MGMT: variants seen among roughly 807,000 people sequenced by gnomAD.
MGMT encodes methylated-DNA--protein-cysteine methyltransferase.
Under a neutral mutation model 15.9 loss-of-function variants are expected in MGMT, and 14 were observed. The observed-to-expected ratio is 0.88, with a 90% CI of 0.58 to 1.37. MGMT has a LOEUF of 1.37. MGMT is among the 40% of genes most tolerant of loss of function. The pLI is 0.00. For synonymous variants in MGMT, 130 were observed against 118.2 expected (o/e 1.10, Z -0.65); for missense variants, 282 against 268.1 (o/e 1.05, Z -0.36).
intron 1 of MGMT, among the ~76,000 whole-genome samples, chr10:129,483,336 A>G (rs887901319): frequency 2.0e-5 from 3 of 152,140 alleles, no homozygotes; most frequent in African/African-American, 4.8e-5. Context: ...ATTTATTTGC[A>G]TATTTACTGT....
rs1405602144 is a variant in MGMT at position 129,566,243 on chromosome 10, G to A, written c.125+29866G>A. On this transcript the variant is annotated intron_variant, in intron 2 of 4. Coordinates refer to ENST00000651593, the MANE Select transcript of MGMT (RefSeq NM_002412.5). This position sits in a 1 kb window ranked among gnomAD's most constrained non-coding sequence, Gnocchi z 4.1. ...CTTCTTGGCTGTCTAGGTGCCAGGG[G>A]CTCGGGACACAGAGCTCCTGGAGGC... is the stretch of plus-strand genomic sequence containing the variant. 2.0e-5 allele frequency among the ~76,000 whole-genome samples: 3 copies of A among 152,184 alleles called. No homozygotes were observed. The highest frequency in any genetic ancestry group is 7.2e-5 in the African/African-American group (3 of 41,432).
At chr10:129,718,293 C>T (rs147222014) in intron 3 of MGMT, among the ~76,000 whole-genome samples, 3 of 152,306 alleles carry the variant, frequency 2.0e-5, no homozygotes, top group Non-Finnish European at 2.9e-5. Flanking sequence ...AGTGGCGCTT[C>T]GGGCTAGGTG....
At chr10:129,633,804 T>A (rs934994490) in intron 2 of MGMT, among the ~76,000 whole-genome samples, 1 of 152,222 alleles carries the variant, frequency 6.6e-6, no homozygotes, top group Admixed American at 6.5e-5. Flanking sequence ...TTTTGTTTAA[T>A]ACAAGGTTCT....
chr10:129,676,252 C>T (rs1448361834), intron 2 of MGMT, among the ~76,000 whole-genome samples: 1 of 151,056 alleles, frequency 6.6e-6, no homozygotes, highest in Non-Finnish European at 1.5e-5. Context: ...CCTGTGGCCG[C>T]CCCCCGACCT....
rs564733699 is a variant in MGMT, at chr10:129,590,204, C to A, written c.125+53827C>A. On this transcript the variant is annotated intron_variant, in intron 2 of 4. Transcript: ENST00000651593. Reference sequence around the variant, plus strand: ...TAAAGGTTTCAGATCTGTCTGTGGTCTTTTGTTTTACTTGGAAACACATGT... The same window carrying A: ...TAAAGGTTTCAGATCTGTCTGTGGTATTTTGTTTTACTTGGAAACACATGT... Among the ~76,000 whole-genome samples the A allele has an allele frequency of 2.0e-5, 3 of 152,256 alleles. No homozygotes were observed. The South Asian group carries it at 6.2e-4, about 32-fold the overall frequency.
intron 2 of MGMT, among the ~76,000 whole-genome samples, chr10:129,560,954 AGTGTGTGTGTGTGTGTGTGTGT>A (rs57984603): frequency 4.5e-5 from 6 of 133,220 alleles, no homozygotes; most frequent in Non-Finnish European, 9.7e-5. Context: ...AGTAAAGAGC[AGTGTGTGTGTGTGTGTGTGTGT>A]GTGTGTGTGT....
intron 1 of MGMT, among the ~76,000 whole-genome samples, chr10:129,497,825 C>T (rs1013635772): frequency 6.6e-6 from 1 of 152,198 alleles, no homozygotes; most frequent in African/African-American, 2.4e-5. Flanking sequence ...TCCTCTTCCA[C>T]CACGTGAGGA....
At chr10:129,516,314 A>C (rs956653622) in intron 1 of MGMT, among the ~76,000 whole-genome samples, 1 of 152,188 alleles carries the variant, frequency 6.6e-6, no homozygotes, top group African/African-American at 2.4e-5. Flanking sequence ...ATCACCAAAT[A>C]GGGAATTCTT....
At chr10:129,488,238 A>G (rs1426885871) in intron 1 of MGMT, among the ~76,000 whole-genome samples, 1 of 152,060 alleles carries the variant, frequency 6.6e-6, no homozygotes, top group African/African-American at 2.4e-5. Context: ...TCCTCACCAA[A>G]ACTTGGAGTT....
intron 2 of MGMT, among the ~76,000 whole-genome samples, chr10:129,558,369 G>T (rs1303562051): frequency 2.0e-5 from 3 of 152,196 alleles, no homozygotes; most frequent in African/African-American, 7.2e-5. Flanking sequence ...AGGAAGATTT[G>T]TGGGTGTTTT....
intron 2 of MGMT, among the ~76,000 whole-genome samples, chr10:129,646,755 T>TATATATATATATA (rs375027874): frequency 1.8e-4 from 14 of 78,474 alleles, no homozygotes; most frequent in African/African-American, 3.1e-4. Flanking sequence ...TATATATATA[T>TATATATATATATA]TTTCAGGGAA....
intron 2 of MGMT, chr10:129,564,214 C>CCA (rs1846315517): frequency 1.4e-5 from 1 of 71,230 alleles, no homozygotes; most frequent in African/African-American, 5.5e-5. Context: ...CTCCTCTCCC[C>CCA]CTCCTTCCCC....
rs536073390 is a variant in MGMT at position 129,758,452 on chromosome 10, C to G, written c.275-750C>G. ...GATTCAGACAGGCCTTCTTCGCGTGCCCCAGTTTCTCTCCCACCGACACCA... is the reference window on the plus strand; with the variant it reads ...GATTCAGACAGGCCTTCTTCGCGTGGCCCAGTTTCTCTCCCACCGACACCA... On this transcript the variant is annotated intron_variant, in intron 3 of 4. Coordinates refer to ENST00000651593, the MANE Select transcript of MGMT (RefSeq NM_002412.5). Among the ~76,000 whole-genome samples, 4 of 152,098 alleles carry G rather than the reference C, an allele frequency of 2.6e-5. No individual in the cohort carries two copies. In the East Asian group the frequency reaches 7.8e-4, roughly 29 times the overall value.
At chr10:129,650,233 A>G (rs1401910039) in intron 2 of MGMT, among the ~76,000 whole-genome samples, 1 of 152,146 alleles carries the variant, frequency 6.6e-6, no homozygotes, top group Non-Finnish European at 1.5e-5. Flanking sequence ...GGGCTTGAGC[A>G]GCCTTGAGGT....
intron 3 of MGMT, among the ~76,000 whole-genome samples, chr10:129,740,867 C>T (rs1178470866): frequency 2.0e-5 from 3 of 152,210 alleles, no homozygotes; most frequent in Non-Finnish European, 4.4e-5. Flanking sequence ...AGTAAGCACT[C>T]AGTAAGTCTT....
At chr10:129,613,882 G>A (rs1389731213) in intron 2 of MGMT, among the ~76,000 whole-genome samples, 2 of 152,202 alleles carry the variant, frequency 1.3e-5, no homozygotes, top group Non-Finnish European at 2.9e-5. Flanking sequence ...CAACTGAAAG[G>A]GCCGGTCAGT....
chr10:129,717,833 G>A (rs886296565), intron 3 of MGMT: 4 of 152,168 alleles, frequency 2.6e-5, no homozygotes, highest in Non-Finnish European at 5.9e-5. Flanking sequence ...AGAAGGTGGT[G>A]TTTATTTGTA....
At chr10:129,626,668 G>T (rs888801072) in intron 2 of MGMT, among the ~76,000 whole-genome samples, 2 of 152,160 alleles carry the variant, frequency 1.3e-5, no homozygotes, top group African/African-American at 4.8e-5. Flanking sequence ...TGTTGGAGAC[G>T]ACAGGCTCCG....
chr10:129,619,528 C>A (rs1847066959), intron 2 of MGMT, among the ~76,000 whole-genome samples: 1 of 151,968 alleles, frequency 6.6e-6, no homozygotes, highest in African/African-American at 2.4e-5. Context: ...CTGATGTATT[C>A]TCTCTTGTAC....
Sources: gnomAD v4.1 joint callset for allele counts (sites outside exome capture counted in the v4.1 genomes callset) on GRCh38, gnomAD v4.1.1 for gene constraint, Gnocchi (gnomAD v3.1) non-coding constraint, MANE v1.5 for transcripts, NCBI Gene and HGNC (gene_info 2026-07-23, HGNC 2026-07-21) for gene names.